Variants in USP7 observed in about 807,000 individuals in gnomAD.
USP7 encodes the protein ubiquitin C-terminal hydrolase 7.
Under a neutral mutation model 162.9 loss-of-function variants are expected in USP7, and 9 were observed. The observed-to-expected ratio is 0.06, with a 90% CI of 0.03 to 0.10. USP7 has a LOEUF of 0.10. Among genes scored for constraint, USP7 ranks in the 10% least tolerant of loss-of-function variants. USP7 has a pLI of 1.00. For synonymous variants in USP7, 562 were observed against 475.9 expected (o/e 1.18, Z -2.35); for missense variants, 715 against 1,373.7 (o/e 0.52, Z 7.58).
chr16:8,916,854 G>T (rs76147374), intron 7 of USP7, among the ~76,000 whole-genome samples, 172 bp downstream of exon 7: 2,396 of 151,142 alleles, frequency 0.016, 28 homozygotes, highest in East Asian at 0.03. Context: ...TATTTCCAAA[G>T]AGATAAAACA....
rs758373534 is a variant in USP7 at position 8,903,413 on chromosome 16, G to A, written c.1705-11C>T. On this transcript the variant is annotated splice_polypyrimidine_tract_variant and intron_variant, in intron 15 of 30. Coordinates refer to ENST00000344836, the MANE Select transcript of USP7 (RefSeq NM_003470.3). ...GTCCTCTGCGACTATCTGAAAATATGTATGAAAGCACAGAAAAGACTTGAC... is the reference window on the plus strand; with the variant it reads ...GTCCTCTGCGACTATCTGAAAATATATATGAAAGCACAGAAAAGACTTGAC... The A allele has an allele frequency of 6.2e-7, 1 of 1,611,264 alleles. No homozygotes were observed. The highest frequency in any genetic ancestry group is 1.1e-5 in the South Asian group (1 of 90,820).
Position 8,900,532 on chromosome 16 carries a change from C to T in USP7, c.2307G>A (p.Gln769=), listed in dbSNP as rs1056013336. The change falls in exon 21 of 31, where the codon CAG becomes CAA. Residue 769 remains glutamine, a splice_region_variant and synonymous_variant. Coordinates refer to ENST00000344836, the MANE Select transcript of USP7 (RefSeq NM_003470.3). ...ELMDGDIIVF[Q]KDDPENDNSE... ...ACAATCCTTCACAAAGTACATACTT[C>T]TGAAATACTATGATGTCACCATCCA... 2.5e-6 allele frequency: 4 copies of T among 1,599,970 alleles called. No individual in the cohort carries two copies. The highest frequency in any genetic ancestry group is 3.4e-6 in the Non-Finnish European group (4 of 1,173,596).
chr16:8,892,142 T>G lies in USP7; in HGVS notation c.*1856A>C, dbSNP rs2061607595. The G allele has an allele frequency of 6.6e-6, 1 of 152,184 alleles. No individual in the cohort carries two copies. Among genetic ancestry groups the G allele is most frequent in the Non-Finnish European group, 1.5e-5 (1 of 68,036 alleles). 9.4% of individuals were successfully genotyped at this position (152,184 alleles called of 1,614,324 possible). On this transcript the variant is annotated 3_prime_UTR_variant, in exon 31 of 31. Transcript: ENST00000344836. ...ATACCTTAAGGGAGAGTAGGAACTT[T>G]CAGTTACCTAAGACTACAGCCAACC...
In USP7 at chr16:8,894,006, G is replaced by A; in HGVS notation, c.3301C>T (p.His1101Tyr). The change falls in exon 31 of 31, where the codon CAT becomes TAT. Residue 1101 changes from histidine (H) to tyrosine (Y), a missense_variant. His to Tyr is a moderately conservative substitution (Grantham distance 83). Coordinates refer to ENST00000344836, the MANE Select transcript of USP7 (RefSeq NM_003470.3). ...ACACACCAGCTTGGAAATCAGTTATGGATTTTAATGGCCTTTTCAAGGTAA... is the reference window on the plus strand; with the variant it reads ...ACACACCAGCTTGGAAATCAGTTATAGATTTTAATGGCCTTTTCAAGGTAA... ...YTYLEKAIKIHN is the reference protein window; with the variant it reads ...YTYLEKAIKIYN The A allele has an allele frequency of 6.2e-7, 1 of 1,614,134 alleles. No individual in the cohort carries two copies. The highest frequency in any genetic ancestry group is 8.5e-7 in the Non-Finnish European group (1 of 1,180,000).
chr16:8,924,684 C>G (rs189238647), intron 2 of USP7, among the ~76,000 whole-genome samples: 5 of 152,338 alleles, frequency 3.3e-5, no homozygotes, highest in Non-Finnish European at 2.9e-5. Flanking sequence ...TCAGCATCAG[C>G]CACTTCTCAG....
intron 12 of USP7, among the ~76,000 whole-genome samples, chr16:8,908,113 T>A (rs2061889112): frequency 6.6e-6 from 1 of 152,232 alleles, no homozygotes; most frequent in South Asian, 2.1e-4. Context: ...GGGCTGGGAC[T>A]GGGCAAAGCA....
In USP7 at chr16:8,923,499, T is replaced by C. The variant is rs1897818430; in HGVS notation, c.185-86A>G. On this transcript the variant is annotated intron_variant, in intron 2 of 30. Transcript: ENST00000344836. The stretch of plus-strand genomic sequence containing the variant: ...AATCGACATGGAGTAAACTGTTCTA[T>C]ACATCCTGATTTAACTGCTAAAACC... 18 of 1,401,038 alleles carry C rather than the reference T, an allele frequency of 1.3e-5. 1 individual carries two copies. The highest frequency in any genetic ancestry group is 5.1e-5 in the South Asian group (4 of 78,718). The allele number at this position is 1,401,038 out of a possible 1,614,324, so 86.8% of individuals were successfully genotyped here.
intron 10 of USP7, among the ~76,000 whole-genome samples, chr16:8,914,335 A>G (rs2061996174): frequency 1.3e-5 from 2 of 151,906 alleles, no homozygotes; most frequent in African/African-American, 4.9e-5. Context: ...TGACTGTGCA[A>G]TTGATAAACC....
Position 8,895,167 on chromosome 16 carries a change from C to CAG in USP7, c.2920-19_2920-18dup, listed in dbSNP as rs1567204150. ...AGGGATTTCCTGGGGACACGGACAACAGACACAGTTCTGTAAGTGCAAGTG... is the reference window on the plus strand; with the variant it reads ...AGGGATTTCCTGGGGACACGGACAACAGAGACACAGTTCTGTAAGTGCAAGTG... On this transcript the variant is annotated splice_polypyrimidine_tract_variant and intron_variant, in intron 27 of 30. Coordinates refer to ENST00000344836, the MANE Select transcript of USP7 (RefSeq NM_003470.3). The CAG allele has an allele frequency of 6.2e-7, 1 of 1,614,202 alleles. No individual in the cohort carries two copies. The highest frequency in any genetic ancestry group is 2.2e-5 in the East Asian group (1 of 44,886).
chr16:8,906,631 A>G (rs1567214307), intron 12 of USP7, 49 bp from the exon 13 acceptor site: 15 of 1,564,758 alleles, frequency 9.6e-6, no homozygotes, highest in Non-Finnish European at 1.2e-5. Flanking sequence ...TACACAAAAA[A>G]TATCACACTT....
At chr16:8,905,381 AC>A in intron 13 of USP7, 50 bp from the exon 14 acceptor site, 1 of 1,600,328 alleles carries the variant, frequency 6.2e-7, no homozygotes, top group African/African-American at 1.3e-5. Context: ...TGTGACAAGT[AC>A]CCAACACTAG....
intron 12 of USP7, 93 bp from the exon 13 acceptor site, chr16:8,906,675 A>ATCTTTTTTCT (rs2061865304): frequency 3.9e-6 from 5 of 1,280,430 alleles, no homozygotes; most frequent in Non-Finnish European, 5.3e-6. Context: ...GTACTGGCTC[A>ATCTTTTTTCT]TCTTTAATAG....
chr16:8,895,169 G>A lies in USP7; in HGVS notation c.2920-19C>T. ...GGATTTCCTGGGGACACGGACAACA[G>A]ACACAGTTCTGTAAGTGCAAGTGAT... On this transcript the variant is annotated intron_variant, in intron 27 of 30. Coordinates refer to ENST00000344836, the MANE Select transcript of USP7 (RefSeq NM_003470.3). 1.2e-6 allele frequency: 2 copies of A among 1,614,158 alleles called. No individual in the cohort carries two copies. Among genetic ancestry groups the A allele is most frequent in the Non-Finnish European group, 1.7e-6 (2 of 1,180,020 alleles).
chr16:8,961,744 G>C (rs967000575), intron 1 of USP7, among the ~76,000 whole-genome samples: 2 of 152,202 alleles, frequency 1.3e-5, no homozygotes, highest in Non-Finnish European at 2.9e-5. Flanking sequence ...TTATGTTTTA[G>C]ATGGGCTGCA....
At position 8,893,971 on chromosome 16, in the gene USP7, C is replaced by T. The variant is rs752100552; in HGVS notation, c.*27G>A. On this transcript the variant is annotated 3_prime_UTR_variant, in exon 31 of 31. Coordinates refer to ENST00000344836, the MANE Select transcript of USP7 (RefSeq NM_003470.3). ...GTTAAGGGGCCACCCACACACCGTC[C>T]TCGCCTTGAACACACCAGCTTGGAA... 2.1e-5 allele frequency: 34 copies of T among 1,609,418 alleles called. No individual in the cohort carries two copies. The highest frequency in any genetic ancestry group is 2.9e-5 in the Non-Finnish European group (34 of 1,175,802).
rs200180798 is a variant in USP7, at chr16:8,896,991, A to C, written c.2819+8T>G. On this transcript the variant is annotated splice_region_variant and intron_variant, in intron 26 of 30. Coordinates refer to ENST00000344836, the MANE Select transcript of USP7 (RefSeq NM_003470.3). ...GAACGTCCACAATTGGGCTCAAGAA[A>C]TACTTGCCTAAGTTTCCCTGATGCT... 3 of 1,611,164 alleles carry C rather than the reference A, an allele frequency of 1.9e-6. No homozygotes were observed. The highest frequency in any genetic ancestry group is 2.5e-6 in the Non-Finnish European group (3 of 1,177,314).
chr16:8,904,825 A>G (rs1353162639), intron 14 of USP7, among the ~76,000 whole-genome samples: 1 of 152,038 alleles, frequency 6.6e-6, no homozygotes, highest in Non-Finnish European at 1.5e-5. Context: ...ACAAAAAATT[A>G]GCCAGGCGTG....
intron 25 of USP7, among the ~76,000 whole-genome samples, chr16:8,897,689 C>T (rs1306504723): frequency 1.2e-5 from 1 of 81,112 alleles, no homozygotes; most frequent in Non-Finnish European, 2.2e-5. Flanking sequence ...TAGTGAGACC[C>T]TGTCTCTACA....
intron 10 of USP7, among the ~76,000 whole-genome samples, chr16:8,913,225 G>A (rs372636693): frequency 2.6e-5 from 4 of 152,262 alleles, no homozygotes; most frequent in South Asian, 2.1e-4. Flanking sequence ...GCATGGTGGC[G>A]CATGCCTCTA....
Sources: gnomAD v4.1 joint callset for allele counts (sites outside exome capture counted in the v4.1 genomes callset) on GRCh38, gnomAD v4.1.1 for gene constraint, MANE v1.5 for transcripts, NCBI Gene and HGNC (gene_info 2026-07-23, HGNC 2026-07-21) for gene names.